Variants in KLHL7 observed in about 807,000 individuals in gnomAD.
The protein encoded by KLHL7 is kelch-like protein 7.
In KLHL7, 44 loss-of-function variants were observed where a neutral mutation model predicts 67.4. That is an observed-to-expected ratio of 0.65 (90% CI 0.51 to 0.84). KLHL7 has a LOEUF of 0.84. Among genes scored for constraint, KLHL7 ranks in the 40% least tolerant of loss-of-function variants. KLHL7 has a pLI of 0.00. For missense variants in KLHL7, 362 were observed against 718.1 expected, an observed-to-expected ratio of 0.50 and a Z score of 5.67; for synonymous variants, 252 against 243.3, an observed-to-expected ratio of 1.04 and a Z score of -0.33.
At chr7:23,110,729 A>G (rs1222328827) in intron 1 of KLHL7, among the ~76,000 whole-genome samples, 2 of 150,834 alleles carry the variant, frequency 1.3e-5, no homozygotes, top group Non-Finnish European at 3.0e-5. Context: ...CTCGTCATTT[A>G]GTATTAGGTA....
intron 1 of KLHL7, among the ~76,000 whole-genome samples, chr7:23,114,997 A>G (rs868278565): frequency 3.9e-5 from 6 of 152,194 alleles, no homozygotes; most frequent in African/African-American, 1.4e-4. Flanking sequence ...TTGAATTCCA[A>G]ATATGTGCTC....
chr7:23,154,514 CT>C (rs1784638884), intron 7 of KLHL7, among the ~76,000 whole-genome samples: 1 of 152,150 alleles, frequency 6.6e-6, no homozygotes, highest in South Asian at 2.1e-4. Flanking sequence ...ATCTTCTGTC[CT>C]GTCAAGCAAC....
chr7:23,164,083 T>G (rs1784927437), intron 7 of KLHL7, among the ~76,000 whole-genome samples: 1 of 152,070 alleles, frequency 6.6e-6, no homozygotes, highest in African/African-American at 2.4e-5. Flanking sequence ...TTGGAACTAG[T>G]TTCATCACTA....
At chr7:23,157,957 C>T (rs575167639) in intron 7 of KLHL7, among the ~76,000 whole-genome samples, 23 of 152,194 alleles carry the variant, frequency 1.5e-4, no homozygotes, top group African/African-American at 5.1e-4. Context: ...ATGTTATCTC[C>T]GTGAAGTTGT....
chr7:23,164,633 C>T (rs1461514654), intron 7 of KLHL7, among the ~76,000 whole-genome samples: 1 of 152,206 alleles, frequency 6.6e-6, no homozygotes, highest in Non-Finnish European at 1.5e-5. Flanking sequence ...TATTAAGGCT[C>T]TATTTTCCTG....
At chr7:23,115,803 A>G (rs544809467) in intron 1 of KLHL7, among the ~76,000 whole-genome samples, 7 of 152,196 alleles carry the variant, frequency 4.6e-5, no homozygotes, top group African/African-American at 1.4e-4. Flanking sequence ...TCAGCCTCCC[A>G]AAGTGCTGGG....
intron 7 of KLHL7, among the ~76,000 whole-genome samples, chr7:23,164,941 A>G (rs1008679853): frequency 6.6e-6 from 1 of 152,246 alleles, no homozygotes; most frequent in Non-Finnish European, 1.5e-5. Flanking sequence ...GAGAGGGTCC[A>G]AGATACTATA....
chr7:23,149,471 A>C (rs1219850579), intron 6 of KLHL7, among the ~76,000 whole-genome samples: 1 of 152,098 alleles, frequency 6.6e-6, no homozygotes, highest in Non-Finnish European at 1.5e-5. Flanking sequence ...GCGTTCATAG[A>C]CTACACAGTC....
At chr7:23,136,257 T>C (rs1180290731) in intron 4 of KLHL7, among the ~76,000 whole-genome samples, 1 of 152,222 alleles carries the variant, frequency 6.6e-6, no homozygotes, top group Non-Finnish European at 1.5e-5. Flanking sequence ...ATTTGGATAT[T>C]GCAAGAAAAC....
chr7:23,152,664 A>G (rs1784575075), intron 7 of KLHL7, among the ~76,000 whole-genome samples: 1 of 152,216 alleles, frequency 6.6e-6, no homozygotes, highest in Admixed American at 6.5e-5. Context: ...CCTTTATTTG[A>G]ACCACCTAGA....
At chr7:23,128,467 G>T (rs963223105) in intron 4 of KLHL7, among the ~76,000 whole-genome samples, 4 of 147,382 alleles carry the variant, frequency 2.7e-5, no homozygotes, top group Non-Finnish European at 6.0e-5. Flanking sequence ...TTAACTTTCG[G>T]ACTAAGTTAT....
intron 1 of KLHL7, among the ~76,000 whole-genome samples, chr7:23,113,861 C>T (rs1475513539): frequency 6.6e-6 from 1 of 152,166 alleles, no homozygotes; most frequent in Non-Finnish European, 1.5e-5. Context: ...GGAGCCTCTT[C>T]CATTTTTTGG....
intron 1 of KLHL7, among the ~76,000 whole-genome samples, chr7:23,111,070 A>C (rs188970916): frequency 3.3e-5 from 5 of 152,316 alleles, no homozygotes; most frequent in Non-Finnish European, 5.9e-5. Context: ...TTAGTCAAGT[A>C]ATCACACAAA....
intron 5 of KLHL7, among the ~76,000 whole-genome samples, chr7:23,142,828 T>A (rs1784232843): frequency 6.6e-6 from 1 of 152,200 alleles, no homozygotes; most frequent in South Asian, 2.1e-4. Context: ...AATGACTACA[T>A]GTAATATGGT....
chr7:23,152,015 G>A (rs1269104816), intron 6 of KLHL7, 52 bp from the exon 7 acceptor site: 35 of 1,590,196 alleles, frequency 2.2e-5, no homozygotes, highest in Non-Finnish European at 2.8e-5. Flanking sequence ...CGTTTTCAAA[G>A]CACTGGTTAG....
At chr7:23,168,137 C>A in intron 9 of KLHL7, 100 bp downstream of exon 9, 1 of 1,141,016 alleles carries the variant, frequency 8.8e-7, no homozygotes, top group Non-Finnish European at 1.3e-6. Context: ...GAATTTTGTC[C>A]TTGAGTGAAG....
chr7:23,118,963 TTGGGACGAGGGG>T (rs1442787718), intron 1 of KLHL7, among the ~76,000 whole-genome samples: 2 of 151,994 alleles, frequency 1.3e-5, no homozygotes, highest in Non-Finnish European at 2.9e-5. Context: ...TCCCAGCTAC[TTGGGACGAGGGG>T]TGGGAGGATC....
At chr7:23,149,754 C>T (rs1784473145) in intron 6 of KLHL7, among the ~76,000 whole-genome samples, 1 of 152,212 alleles carries the variant, frequency 6.6e-6, no homozygotes, top group African/African-American at 2.4e-5. Context: ...CAAAGTCTAT[C>T]TGTCCCTTTA....
chr7:23,111,136 C>T (rs996178293), intron 1 of KLHL7, among the ~76,000 whole-genome samples: 3 of 152,022 alleles, frequency 2.0e-5, no homozygotes, highest in African/African-American at 7.3e-5. Flanking sequence ...CATGGTACAA[C>T]GAGGGCATAT....
Sources: allele counts gnomAD v4.1 joint callset (sites outside exome capture counted in the v4.1 genomes callset), GRCh38; gene constraint gnomAD v4.1.1; transcripts MANE v1.5; gene names NCBI Gene and HGNC (gene_info 2026-07-23, HGNC 2026-07-21).